TUBGCP4: variants seen among roughly 807,000 people sequenced by gnomAD.
The protein encoded by TUBGCP4 is gamma-tubulin complex component 4.
TUBGCP4 carries 54 observed loss-of-function variants against 91.6 expected under a neutral mutation model. That is an observed-to-expected ratio of 0.59 (90% CI 0.47 to 0.74). The LOEUF (loss-of-function observed/expected upper bound fraction) is 0.74, where lower values mean the gene tolerates loss of function less well. Among genes scored for constraint, TUBGCP4 ranks in the 30% least tolerant of loss-of-function variants. TUBGCP4 has a pLI of 0.00. For missense variants in TUBGCP4, 593 were observed against 800.9 expected, an observed-to-expected ratio of 0.74 and a Z score of 3.13; for synonymous variants, 297 against 302.8, an observed-to-expected ratio of 0.98 and a Z score of 0.20.
At chr15:43,398,547 A>G (rs759951085) in intron 13 of TUBGCP4, among the ~76,000 whole-genome samples, 5 of 152,212 alleles carry the variant, frequency 3.3e-5, no homozygotes, top group South Asian at 2.1e-4. Flanking sequence ...GTGGGAGGGC[A>G]TATCTACTTC....
chr15:43,374,217 C>T (rs2044168653), intron 1 of TUBGCP4, among the ~76,000 whole-genome samples: 1 of 152,274 alleles, frequency 6.6e-6, no homozygotes, highest in Non-Finnish European at 1.5e-5. Flanking sequence ...ATTTTGTTCA[C>T]TCTTTTATCT....
intron 16 of TUBGCP4, chr15:43,404,053 A>G (rs780761680): frequency 1.9e-4 from 104 of 536,272 alleles, no homozygotes; most frequent in Non-Finnish European, 2.9e-4. Flanking sequence ...GGGTTGTTCT[A>G]ACTTCCTCAC....
chr15:43,376,485 C>T lies in TUBGCP4; in HGVS notation c.208-18C>T. The T allele has an allele frequency of 6.2e-7, 1 of 1,614,178 alleles. No individual in the cohort carries two copies. Among genetic ancestry groups the T allele is most frequent in the Non-Finnish European group, 8.5e-7 (1 of 1,180,044 alleles). ...AGGGCCTGAGCTGAGAAGTTGGCTT[C>T]TGTTTGTTTGATTTCAGGATCACCA... On this transcript the variant is annotated intron_variant, in intron 2 of 17. Coordinates refer to ENST00000564079, the MANE Select transcript of TUBGCP4 (RefSeq NM_014444.5).
chr15:43,376,761 C>G, intron 3 of TUBGCP4, 136 bp downstream of exon 3: 2 of 1,283,956 alleles, frequency 1.6e-6, no homozygotes, highest in Non-Finnish European at 2.2e-6. Flanking sequence ...ACAGTGTTCT[C>G]TCAGTGATTG....
At chr15:43,384,911 T>C (rs2044332797) in intron 7 of TUBGCP4, among the ~76,000 whole-genome samples, 1 of 152,030 alleles carries the variant, frequency 6.6e-6, no homozygotes, top group Non-Finnish European at 1.5e-5. Context: ...GATACTAACA[T>C]TGAATATGAA....
chr15:43,401,661 G>A (rs2044683790), intron 14 of TUBGCP4, 55 bp from the exon 15 acceptor site: 2 of 1,584,604 alleles, frequency 1.3e-6, no homozygotes, highest in South Asian at 1.1e-5. Context: ...GCATCTTAAT[G>A]TCTTCGAGTG....
At chr15:43,400,290 G>C in intron 14 of TUBGCP4, 69 bp downstream of exon 14, 1 of 1,330,818 alleles carries the variant, frequency 7.5e-7, no homozygotes, top group Non-Finnish European at 1.1e-6. Context: ...AGGGAGTATT[G>C]AATAGGGACT....
chr15:43,392,668 T>G (rs1293710010), intron 9 of TUBGCP4, among the ~76,000 whole-genome samples: 1 of 152,004 alleles, frequency 6.6e-6, no homozygotes, highest in Non-Finnish European at 1.5e-5. Context: ...CCGGCTAATT[T>G]TTGTATTTTT....
chr15:43,409,641 C>G lies in TUBGCP4; in HGVS notation c.*4427C>G, dbSNP rs1258667705. 7 of 1,508,126 alleles carry G rather than the reference C, an allele frequency of 4.6e-6. No individual in the cohort carries two copies. In the East Asian group the frequency reaches 1.4e-4, roughly 30 times the overall value. 93.4% of individuals were successfully genotyped at this position (1,508,126 alleles called of 1,614,324 possible). A position where few individuals can be genotyped will look rare whatever the true frequency, so the allele number is the denominator to read the frequency against. On this transcript the variant is annotated 3_prime_UTR_variant, in exon 18 of 18. Transcript: ENST00000564079. Reference sequence around the variant, plus strand: ...CTATATTAGGTTACACAAAGAAACTCCTCACCTGGGCTTCATTGAAATCTT... The same window carrying G: ...CTATATTAGGTTACACAAAGAAACTGCTCACCTGGGCTTCATTGAAATCTT...
rs2044988371 is a variant in TUBGCP4 at position 43,408,321 on chromosome 15, C to T, written c.*3107C>T. 1 of 419,860 alleles carries T rather than the reference C, an allele frequency of 2.4e-6. No individual in the cohort carries two copies. The highest frequency in any genetic ancestry group is 4.3e-6 in the Non-Finnish European group (1 of 232,052). 26.0% of individuals were successfully genotyped at this position (419,860 alleles called of 1,614,324 possible). On this transcript the variant is annotated 3_prime_UTR_variant, in exon 18 of 18. Coordinates refer to ENST00000564079, the MANE Select transcript of TUBGCP4 (RefSeq NM_014444.5). ...GGTGAGACCCCATCTCTACAAAAGA[C>T]AACAAAAAAATTAGCTGGGTGTGGT...
At chr15:43,404,080 A>C in intron 16 of TUBGCP4, 1 of 507,204 alleles carries the variant, frequency 2.0e-6, no homozygotes, top group Non-Finnish European at 3.5e-6. Flanking sequence ...CCCCCTCCTT[A>C]CTTCCTTGAA....
At chr15:43,376,436 C>G (rs1031907064) in intron 2 of TUBGCP4, 67 bp from the exon 3 acceptor site, 1 of 1,613,650 alleles carries the variant, frequency 6.2e-7, no homozygotes, top group Non-Finnish European at 8.5e-7. Flanking sequence ...AGAAACAAGC[C>G]TGATAATGTC....
rs759431637 is a variant in TUBGCP4, at chr15:43,377,000, GT to G, written c.331-8del. On this transcript the variant is annotated splice_polypyrimidine_tract_variant and intron_variant, in intron 3 of 17. Coordinates refer to ENST00000564079, the MANE Select transcript of TUBGCP4 (RefSeq NM_014444.5). ...TTTTGTGTGGAGCTCTAATCACAAA[GT>G]TTTTTATTGCAGTTCCTGGGTGATC... is the stretch of plus-strand genomic sequence containing the variant. 8 of 1,610,782 alleles carry G rather than the reference GT, an allele frequency of 5.0e-6. No homozygotes were observed. Among genetic ancestry groups the G allele is most frequent in the Non-Finnish European group, 6.8e-6 (8 of 1,177,296 alleles).
intron 1 of TUBGCP4, among the ~76,000 whole-genome samples, 164 bp downstream of exon 1, chr15:43,371,596 G>A (rs2044123375): frequency 1.3e-5 from 2 of 152,218 alleles, no homozygotes; most frequent in South Asian, 4.1e-4. Flanking sequence ...CAAGGCTGAT[G>A]CGACACCTAG....
At chr15:43,394,846 A>C (rs1315179339) in intron 9 of TUBGCP4, 1 of 466,882 alleles carries the variant, frequency 2.1e-6, no homozygotes, top group African/African-American at 2.0e-5. Context: ...CCTAGAAGCC[A>C]AGCTGAAGCC....
intron 1 of TUBGCP4, among the ~76,000 whole-genome samples, chr15:43,372,157 A>G (rs1348623750): frequency 6.6e-6 from 1 of 152,180 alleles, no homozygotes; most frequent in African/African-American, 2.4e-5. Flanking sequence ...TAATGCTCTC[A>G]ATAATTTAGT....
Position 43,375,261 on chromosome 15 carries a change from G to C in TUBGCP4, c.79-837G>C, listed in dbSNP as rs146759605. On this transcript the variant is annotated intron_variant, in intron 1 of 17. Coordinates refer to ENST00000564079, the MANE Select transcript of TUBGCP4 (RefSeq NM_014444.5). ...AGTCAAAGTCAGAGGCAGTAGAGTG[G>C]TGTTTGGCAGGGGCTGGATACGGAG... is the stretch of plus-strand genomic sequence containing the variant. Among the ~76,000 whole-genome samples the C allele has an allele frequency of 7.2e-4, 109 of 152,358 alleles. No individual in the cohort carries two copies. In the East Asian group the frequency reaches 0.02, roughly 28 times the overall value.
At position 43,401,742 on chromosome 15, in the gene TUBGCP4, C is replaced by T. The variant is rs760978898; in HGVS notation, c.1623C>T (p.Ser541=). Residue 541 remains serine (S), a synonymous_variant, in exon 15 of 18, where the codon TCC becomes TCT. Coordinates refer to ENST00000564079, the MANE Select transcript of TUBGCP4 (RefSeq NM_014444.5). ...LQVDVLESQF[S]QLLHQINSTR... ...TAGATGTGTTGGAGTCTCAGTTCTC[C>T]CAGCTGCTTCATCAGATCAATTCTA... 1.2e-6 allele frequency: 2 copies of T among 1,614,060 alleles called. No homozygotes were observed. The highest frequency in any genetic ancestry group is 2.2e-5 in the South Asian group (2 of 91,062).
chr15:43,407,868 G>C lies in TUBGCP4; in HGVS notation c.*2654G>C, dbSNP rs1412962937. On this transcript the variant is annotated 3_prime_UTR_variant, in exon 18 of 18. Coordinates refer to ENST00000564079, the MANE Select transcript of TUBGCP4 (RefSeq NM_014444.5). ...GGTCAACCTATTAGGCCTGAGCCTT[G>C]GACCACAAGGCCTAACACCTACAGG... 2 of 1,438,322 alleles carry C rather than the reference G, an allele frequency of 1.4e-6. No individual in the cohort carries two copies. 89.1% of individuals were successfully genotyped at this position (1,438,322 alleles called of 1,614,324 possible). A position where few individuals can be genotyped will look rare whatever the true frequency, so the allele number is the denominator to read the frequency against.
Sources: gnomAD v4.1 joint callset for allele counts (sites outside exome capture counted in the v4.1 genomes callset) on GRCh38, gnomAD v4.1.1 for gene constraint, MANE v1.5 for transcripts, NCBI Gene and HGNC (gene_info 2026-07-23, HGNC 2026-07-21) for gene names.